Variants in PDE3A observed in about 807,000 individuals in gnomAD.
The protein encoded by PDE3A is cGMP-inhibited 3',5'-cyclic phosphodiesterase 3A.
A neutral mutation model predicts 98.3 loss-of-function variants in PDE3A; 43 were observed. That is an observed-to-expected ratio of 0.44 (90% CI 0.34 to 0.56). The LOEUF (loss-of-function observed/expected upper bound fraction) is 0.56. PDE3A is among the 20% of genes least tolerant of loss of function. The pLI, the probability that PDE3A is intolerant of heterozygous loss-of-function variation, is 0.01. For synonymous variants in PDE3A, 663 were observed against 567.9 expected (o/e 1.17, Z -2.38); for missense variants, 1,427 against 1,440.7 (o/e 0.99, Z 0.15).
intron 15 of PDE3A, among the ~76,000 whole-genome samples, chr12:20,679,149 A>G (rs188419676): frequency 2.6e-5 from 4 of 152,356 alleles, no homozygotes; most frequent in Admixed American, 2.6e-4. Flanking sequence ...TTCAGGATAG[A>G]CAATACCAGC....
rs1340699648 is a variant in PDE3A, at chr12:20,685,672, CAT to C, written c.*5402_*5403del. Among the ~76,000 whole-genome samples the C allele has an allele frequency of 2.0e-5, 3 of 152,128 alleles. No homozygotes were observed. The highest frequency in any genetic ancestry group is 2.1e-4 in the South Asian group (1 of 4,832). ...TCCAGATACAGCTAGTTTTTCTCCACATGTTTTTAAGGTTGATTTCCTTGACA... is the reference window on the plus strand; with the variant it reads ...TCCAGATACAGCTAGTTTTTCTCCACGTTTTTAAGGTTGATTTCCTTGACA... On this transcript the variant is annotated 3_prime_UTR_variant, in exon 16 of 16. Transcript: ENST00000359062.
At chr12:20,458,116 A>T (rs11045260) in intron 1 of PDE3A, among the ~76,000 whole-genome samples, 21,820 of 146,934 alleles carry the variant, frequency 0.15, 2,080 homozygotes, top group Non-Finnish European at 0.21. Context: ...ATCTTCACAT[A>T]GATGCATTTA....
At chr12:20,384,399 A>T (rs888270220) in intron 1 of PDE3A, among the ~76,000 whole-genome samples, 1 of 151,894 alleles carries the variant, frequency 6.6e-6, no homozygotes, top group Admixed American at 6.6e-5. Flanking sequence ...TTTTGATATA[A>T]ATGTCTTTAT....
chr12:20,641,406 C>G (rs991710890), intron 10 of PDE3A, among the ~76,000 whole-genome samples: 5 of 152,068 alleles, frequency 3.3e-5, no homozygotes, highest in African/African-American at 1.2e-4. Flanking sequence ...AGGGCCCACC[C>G]TGGTTGGATG....
In PDE3A at chr12:20,633,712, C is replaced by T. The variant is rs1944434812; in HGVS notation, c.1780C>T (p.Gln594Ter). 1.2e-6 allele frequency: 2 copies of T among 1,609,856 alleles called. No individual in the cohort carries two copies. The highest frequency in any genetic ancestry group is 1.7e-6 in the Non-Finnish European group (2 of 1,177,508). ...TTTTAGCTGTGGCAGACCATATTCC[C>T]AAGGGAATCCTGCTGATGAGCCCCT... ...ICSSCGRPYS[Q>*]GNPADEPLER... Residue 594 changes from glutamine to a stop codon, truncating the protein, a stop_gained, in exon 7 of 16, where the codon CAA becomes TAA. Coordinates refer to ENST00000359062, the MANE Select transcript of PDE3A (RefSeq NM_000921.5). LOFTEE classifies it high-confidence loss of function.
Position 20,523,795 on chromosome 12 carries a change from AT to A in PDE3A, c.961-32863del, listed in dbSNP as rs1234770872. On this transcript the variant is annotated intron_variant, in intron 1 of 15. Coordinates refer to ENST00000359062, the MANE Select transcript of PDE3A (RefSeq NM_000921.5). Reference sequence around the variant, plus strand: ...AGTAAAAAATGTTTTTAAAATTTGAATTATAGAAGAGAATAATCAGTGGATG... The same window carrying A: ...AGTAAAAAATGTTTTTAAAATTTGAATATAGAAGAGAATAATCAGTGGATG... 8.5e-5 allele frequency among the ~76,000 whole-genome samples: 13 copies of A among 152,360 alleles called. No homozygotes were observed. In the East Asian group the frequency reaches 2.3e-3, roughly 27 times the overall value.
Position 20,687,211 on chromosome 12 carries a change from G to T in PDE3A, c.*6940G>T, listed in dbSNP as rs751268950. ...AGTTCTTTGTGTATATAAAGTGTTG[G>T]TTCATAGCAGTTTCCTTGTCCCTTT... On this transcript the variant is annotated 3_prime_UTR_variant, in exon 16 of 16. Coordinates refer to ENST00000359062, the MANE Select transcript of PDE3A (RefSeq NM_000921.5). 9.9e-4 allele frequency among the ~76,000 whole-genome samples: 151 copies of T among 152,016 alleles called. No individual in the cohort carries two copies. Among genetic ancestry groups the T allele is most frequent in the Non-Finnish European group, 1.6e-3 (110 of 67,958 alleles).
intron 2 of PDE3A, among the ~76,000 whole-genome samples, chr12:20,602,692 C>T (rs10770674): frequency 0.83 from 126,734 of 152,166 alleles, 53,095 homozygotes; most frequent in Non-Finnish European, 0.88. Flanking sequence ...ACTGTACATA[C>T]ATATTATCTT....
chr12:20,517,667 C>A (rs934803037), intron 1 of PDE3A, among the ~76,000 whole-genome samples: 1 of 151,892 alleles, frequency 6.6e-6, no homozygotes, highest in African/African-American at 2.4e-5. Flanking sequence ...AAGTGGGATC[C>A]CTGGGTTTGT....
chr12:20,627,354 G>A (rs1944287886), intron 5 of PDE3A, among the ~76,000 whole-genome samples: 1 of 151,738 alleles, frequency 6.6e-6, no homozygotes, highest in Admixed American at 6.6e-5. Context: ...CTTTGCCCTG[G>A]CCCTACCCAA....
intron 4 of PDE3A, 52 bp from the exon 5 acceptor site, chr12:20,621,244 G>C: frequency 9.8e-7 from 1 of 1,024,972 alleles, no homozygotes. Flanking sequence ...CCCAATAACT[G>C]ATGAATAATT....
chr12:20,593,237 G>A (rs1449057436), intron 2 of PDE3A, among the ~76,000 whole-genome samples: 1 of 152,182 alleles, frequency 6.6e-6, no homozygotes, highest in East Asian at 1.9e-4. Context: ...GCATAGGGTT[G>A]TGGCATCATA....
chr12:20,465,442 A>T (rs1343611450), intron 1 of PDE3A, among the ~76,000 whole-genome samples: 1 of 151,882 alleles, frequency 6.6e-6, no homozygotes, highest in Non-Finnish European at 1.5e-5. Context: ...AGACAGTCTC[A>T]CTCTGTCACC....
At chr12:20,632,191 ATTTTCT>A (rs1182709513) in intron 6 of PDE3A, among the ~76,000 whole-genome samples, 1 of 151,994 alleles carries the variant, frequency 6.6e-6, no homozygotes, top group African/African-American at 2.4e-5. Flanking sequence ...TTGTCCTATC[ATTTTCT>A]TTTTATTCTC....
chr12:20,641,214 AT>A (rs1038591060), intron 10 of PDE3A, among the ~76,000 whole-genome samples: 3 of 152,172 alleles, frequency 2.0e-5, no homozygotes, highest in Non-Finnish European at 4.4e-5. Context: ...TTTCTGAAGA[AT>A]GTGGGACCAA....
chr12:20,502,636 AAGTG>A (rs1946044276), intron 1 of PDE3A, among the ~76,000 whole-genome samples: 1 of 152,176 alleles, frequency 6.6e-6, no homozygotes. Flanking sequence ...ATGACTGAAA[AAGTG>A]AGTGACTATA....
intron 2 of PDE3A, among the ~76,000 whole-genome samples, chr12:20,569,795 C>G (rs970445244): frequency 4.6e-5 from 7 of 152,012 alleles, no homozygotes; most frequent in African/African-American, 1.7e-4. Flanking sequence ...AATGAAGAAA[C>G]AAAAAGTAAG....
chr12:20,624,445 G>T (rs528423432), intron 5 of PDE3A, among the ~76,000 whole-genome samples: 1 of 152,220 alleles, frequency 6.6e-6, no homozygotes, highest in African/African-American at 2.4e-5. Context: ...CTTCACTCTA[G>T]AAGAAAGAGC....
At chr12:20,441,518 A>G (rs1273029036) in intron 1 of PDE3A, among the ~76,000 whole-genome samples, 1 of 152,242 alleles carries the variant, frequency 6.6e-6, no homozygotes, top group African/African-American at 2.4e-5. Context: ...TTTTACATAA[A>G]TTATTTAGCC....
Sources: allele counts gnomAD v4.1 joint callset (sites outside exome capture counted in the v4.1 genomes callset), GRCh38; gene constraint gnomAD v4.1.1; transcripts MANE v1.5; gene names NCBI Gene and HGNC (gene_info 2026-07-23, HGNC 2026-07-21).